Variants in COL9A1 observed in about 807,000 individuals in gnomAD.
COL9A1 encodes the protein collagen type IX alpha 1 chain, also known as collagen alpha-1(IX) chain.
Under a neutral mutation model 142.6 loss-of-function variants are expected in COL9A1, and 104 were observed. The ratio of observed to expected loss-of-function variants is 0.73; its 90% CI spans 0.62 to 0.86. The LOEUF (loss-of-function observed/expected upper bound fraction) is 0.86, where lower values mean the gene tolerates loss of function less well. Ranked by LOEUF, COL9A1 falls within the 40% of genes least tolerant of loss-of-function variation. The pLI is 0.00. For synonymous variants in COL9A1, 466 were observed against 396.0 expected (o/e 1.18, Z -2.10); for missense variants, 1,210 against 1,176.6 (o/e 1.03, Z -0.42).
intron 19 of COL9A1, among the ~76,000 whole-genome samples, chr6:70,261,516 G>A (rs549790158): frequency 1.2e-4 from 19 of 152,272 alleles, no homozygotes; most frequent in Middle Eastern, 6.8e-3. Flanking sequence ...TGTCCCCATT[G>A]GCTTAAGATA....
intron 28 of COL9A1, among the ~76,000 whole-genome samples, chr6:70,245,214 A>G (rs556698248): frequency 2.0e-5 from 3 of 152,330 alleles, no homozygotes; most frequent in African/African-American, 7.2e-5. Context: ...TTGTCTTCTA[A>G]GAACATGCAT....
chr6:70,245,405 C>T (rs1373224479), intron 28 of COL9A1, among the ~76,000 whole-genome samples: 1 of 152,114 alleles, frequency 6.6e-6, no homozygotes, highest in Non-Finnish European at 1.5e-5. Flanking sequence ...TGTAAAAATT[C>T]AAAAAATTGC....
chr6:70,272,917 C>T (rs1414685760), intron 12 of COL9A1, among the ~76,000 whole-genome samples: 1 of 152,128 alleles, frequency 6.6e-6, no homozygotes, highest in East Asian at 1.9e-4. Flanking sequence ...CAATTTTTTC[C>T]CCTTGGGATT....
intron 4 of COL9A1, among the ~76,000 whole-genome samples, chr6:70,299,341 G>GT (rs1255814503): frequency 2.0e-5 from 3 of 151,822 alleles, no homozygotes; most frequent in South Asian, 2.1e-4. Flanking sequence ...TTTAATTCTA[G>GT]TTTTTTTATA....
At chr6:70,234,425 A>G in intron 35 of COL9A1, 114 bp downstream of exon 35, 1 of 1,068,508 alleles carries the variant, frequency 9.4e-7, no homozygotes, top group Non-Finnish European at 1.4e-6. Flanking sequence ...TAAATGTCCT[A>G]TCTTTAAGGC....
chr6:70,258,751 C>T (rs575015255), intron 20 of COL9A1: 8 of 151,936 alleles, frequency 5.3e-5, no homozygotes, highest in Non-Finnish European at 4.4e-5. Flanking sequence ...ACAAGAAGAG[C>T]TTTTTTTTCT....
chr6:70,278,198 C>T (rs891576766), intron 10 of COL9A1, among the ~76,000 whole-genome samples: 4 of 152,238 alleles, frequency 2.6e-5, no homozygotes, highest in Non-Finnish European at 4.4e-5. Context: ...TCTTCTTGAT[C>T]GGTGACTTAG....
intron 28 of COL9A1, among the ~76,000 whole-genome samples, chr6:70,246,946 A>C (rs923713258): frequency 2.0e-5 from 3 of 152,202 alleles, no homozygotes; most frequent in African/African-American, 7.2e-5. Flanking sequence ...CTTATCTCTT[A>C]GGGCTTTTTT....
chr6:70,294,987 C>G (rs1032168595), intron 4 of COL9A1, among the ~76,000 whole-genome samples: 2 of 152,132 alleles, frequency 1.3e-5, no homozygotes, highest in Non-Finnish European at 2.9e-5. Flanking sequence ...GCTTATGAAA[C>G]AATTTAATTA....
Position 70,294,320 on chromosome 6 carries a change from A to G in COL9A1, c.543T>C (p.His181=). The G allele has an allele frequency of 6.2e-7, 1 of 1,614,046 alleles. No individual in the cohort carries two copies. The highest frequency in any genetic ancestry group is 8.5e-7 in the Non-Finnish European group (1 of 1,179,956). Residue 181 remains histidine, a synonymous_variant, in exon 5 of 38, where the codon CAT becomes CAC. Coordinates refer to ENST00000357250, the MANE Select transcript of COL9A1 (RefSeq NM_001851.6). Reference sequence around the variant, plus strand: ...TCCTCTCCACGCCAATCATGATCTTATGCCACTGGGAATCAAACAAGGAGG... The same window carrying G: ...TCCTCTCCACGCCAATCATGATCTTGTGCCACTGGGAATCAAACAAGGAGG... ...NLSSLFDSQW[H]KIMIGVERSS...
At chr6:70,291,590 A>G (rs1473871807) in intron 5 of COL9A1, among the ~76,000 whole-genome samples, 1 of 152,176 alleles carries the variant, frequency 6.6e-6, no homozygotes, top group Non-Finnish European at 1.5e-5. Flanking sequence ...CCCAATATTT[A>G]CATACTCAAT....
At position 70,294,304 on chromosome 6, in the gene COL9A1, C is replaced by T. The variant is rs773143381; in HGVS notation, c.559G>A (p.Val187Met). The change falls in exon 5 of 38, where the codon GTG becomes ATG. Residue 187 changes from valine (V) to methionine (M), a missense_variant. Physicochemically the swap from Val to Met is conservative, Grantham distance 21. Transcript: ENST00000357250. Reference sequence around the variant, plus strand: ...AAAAGAGTAGCACTACTCCTCTCCACGCCAATCATGATCTTATGCCACTGG... The same window carrying T: ...AAAAGAGTAGCACTACTCCTCTCCATGCCAATCATGATCTTATGCCACTGG... ...DSQWHKIMIG[V>M]ERSSATLFVD... 1.9e-5 allele frequency: 30 copies of T among 1,613,950 alleles called. No individual in the cohort carries two copies. Among genetic ancestry groups the T allele is most frequent in the South Asian group, 2.2e-5 (2 of 91,084 alleles).
chr6:70,256,713 C>T lies in COL9A1; in HGVS notation c.1503+55G>A, dbSNP rs995695162. On this transcript the variant is annotated intron_variant, in intron 21 of 37. Coordinates refer to ENST00000357250, the MANE Select transcript of COL9A1 (RefSeq NM_001851.6). ...AAACAATACTGCACACACATGCATA[C>T]ATAGCAAAAAAAAAAAAATCTATCA... The T allele has an allele frequency of 3.4e-6, 5 of 1,487,578 alleles. No homozygotes were observed. The African/African-American group carries it at 7.2e-5, about 21-fold the overall frequency. The allele number at this position is 1,487,578 out of a possible 1,614,324, so 92.1% of individuals were successfully genotyped here. A position where few individuals can be genotyped will look rare whatever the true frequency, so the allele number is the denominator to read the frequency against.
Position 70,271,728 on chromosome 6 carries a change from G to A in COL9A1, c.1090-20C>T. ...AGGACCCTGAAGTCAACAAATCAAA[G>A]CAAATGGTCATTTATGAATATTTTT... On this transcript the variant is annotated intron_variant, in intron 13 of 37. Transcript: ENST00000357250. The A allele has an allele frequency of 6.2e-7, 1 of 1,609,536 alleles. No individual in the cohort carries two copies. Among genetic ancestry groups the A allele is most frequent in the Non-Finnish European group, 8.5e-7 (1 of 1,176,116 alleles).
intron 33 of COL9A1, among the ~76,000 whole-genome samples, chr6:70,237,933 T>A (rs1770016813): frequency 6.6e-6 from 1 of 152,174 alleles, no homozygotes; most frequent in Non-Finnish European, 1.5e-5. Context: ...AGGAAGTAGC[T>A]ATTCCAAGGA....
At chr6:70,227,745 T>C (rs1186380973) in intron 36 of COL9A1, among the ~76,000 whole-genome samples, 1 of 152,142 alleles carries the variant, frequency 6.6e-6, no homozygotes, top group Non-Finnish European at 1.5e-5. Context: ...AAACAATCTA[T>C]GTCCATTAAA....
chr6:70,260,208 T>C (rs530685859), intron 20 of COL9A1, among the ~76,000 whole-genome samples: 33 of 152,316 alleles, frequency 2.2e-4, no homozygotes, highest in Middle Eastern at 3.4e-3. Context: ...ACAACAGAAT[T>C]GTGAAAACCT....
At position 70,234,908 on chromosome 6, in the gene COL9A1, C is replaced by G. The variant is rs1327582300; in HGVS notation, c.2145G>C (p.Gly715=). The G allele has an allele frequency of 6.2e-7, 1 of 1,614,034 alleles. No homozygotes were observed. Among genetic ancestry groups the G allele is most frequent in the Non-Finnish European group, 8.5e-7 (1 of 1,180,034 alleles). The change falls in exon 34 of 38, where the codon GGG becomes GGC. Residue 715 remains glycine, a synonymous_variant. Coordinates refer to ENST00000357250, the MANE Select transcript of COL9A1 (RefSeq NM_001851.6). ...AGNPGEPGLR[G]PEGSRGLPGV... ...CAGGAAGCCCCCGACTTCCCTCAGG[C>G]CCTCTCAAGCCAGGTTCCCCAGGAT...
At chr6:70,265,734 A>G (rs184612894) in intron 18 of COL9A1, among the ~76,000 whole-genome samples, 1 of 152,244 alleles carries the variant, frequency 6.6e-6, no homozygotes, top group East Asian at 1.9e-4. Context: ...ATCACAGCCT[A>G]TGTAATAAGA....
Sources: gnomAD v4.1 joint callset for allele counts (sites outside exome capture counted in the v4.1 genomes callset) on GRCh38, gnomAD v4.1.1 for gene constraint, MANE v1.5 for transcripts, NCBI Gene and HGNC (gene_info 2026-07-23, HGNC 2026-07-21) for gene names.